The following ZDHHC14 variants were observed in gnomAD, a reference collection of about 807,000 sequenced individuals.
ZDHHC14 encodes palmitoyltransferase ZDHHC14.
Under a neutral mutation model 47.7 loss-of-function variants are expected in ZDHHC14, and 16 were observed. The ratio of observed to expected loss-of-function variants is 0.34; its 90% CI spans 0.23 to 0.51. The LOEUF is 0.51. Ranked by LOEUF, ZDHHC14 falls within the 20% of genes least tolerant of loss-of-function variation. ZDHHC14 has a pLI of 0.97. For synonymous variants in ZDHHC14, 293 were observed against 278.9 expected, an observed-to-expected ratio of 1.05 and a Z score of -0.50; for missense variants, 515 against 662.5, an observed-to-expected ratio of 0.78 and a Z score of 2.44.
intron 3 of ZDHHC14, among the ~76,000 whole-genome samples, chr6:157,612,676 G>A (rs888700620): frequency 6.6e-6 from 1 of 152,172 alleles, no homozygotes; most frequent in African/African-American, 2.4e-5. Flanking sequence ...GGCCAGGCCT[G>A]TGTCAGTTTC....
At chr6:157,399,422 T>C (rs1777586209) in intron 1 of ZDHHC14, among the ~76,000 whole-genome samples, 1 of 152,208 alleles carries the variant, frequency 6.6e-6, no homozygotes, top group Non-Finnish European at 1.5e-5. Flanking sequence ...GTGTGCCTCA[T>C]CTGTCATCTG....
At chr6:157,504,783 G>GTGTTGTGTTT (rs1554261981) in intron 1 of ZDHHC14, among the ~76,000 whole-genome samples, 1 of 149,198 alleles carries the variant, frequency 6.7e-6, no homozygotes, top group African/African-American at 2.5e-5. Flanking sequence ...AAAATACCAT[G>GTGTTGTGTTT]TGTTTTGTTT....
intron 1 of ZDHHC14, among the ~76,000 whole-genome samples, chr6:157,458,368 G>C (rs898844900): frequency 1.3e-5 from 2 of 152,208 alleles, no homozygotes; most frequent in East Asian, 3.9e-4. Context: ...TTGTGGATGG[G>C]CGGACAACAT....
At chr6:157,657,962 C>T (rs1208122141) in intron 8 of ZDHHC14, among the ~76,000 whole-genome samples, 1 of 152,190 alleles carries the variant, frequency 6.6e-6, no homozygotes, top group African/African-American at 2.4e-5. Flanking sequence ...GTGTTTTCAT[C>T]TATAAAATGG....
rs144479172 is a variant in ZDHHC14 at position 157,426,434 on chromosome 6, G to A, written c.245+44168G>A. 4.3e-3 allele frequency among the ~76,000 whole-genome samples: 656 copies of A among 152,290 alleles called. 7 individuals carry two copies. The highest frequency in any genetic ancestry group is 0.015 in the African/African-American group (613 of 41,544). ...GAATGCCAATGGCATGCCACATGCC[G>A]CATTAGGGTCTTAGGATCGAGGGTG... is the stretch of plus-strand genomic sequence containing the variant. On this transcript the variant is annotated intron_variant, in intron 1 of 8. Transcript: ENST00000359775.
At chr6:157,553,596 C>A (rs1252256162) in intron 2 of ZDHHC14, among the ~76,000 whole-genome samples, 3 of 151,706 alleles carry the variant, frequency 2.0e-5, no homozygotes, top group African/African-American at 7.3e-5. Flanking sequence ...TTCCCGGTGA[C>A]CTTTCTCACT....
intron 1 of ZDHHC14, among the ~76,000 whole-genome samples, chr6:157,519,341 T>C (rs1427082638): frequency 1.3e-5 from 2 of 151,378 alleles, no homozygotes; most frequent in East Asian, 3.9e-4. Flanking sequence ...GAATAATGTC[T>C]GTTTTTAACA....
intron 1 of ZDHHC14, among the ~76,000 whole-genome samples, chr6:157,533,860 G>A (rs1301063299): frequency 1.3e-5 from 2 of 152,196 alleles, no homozygotes; most frequent in South Asian, 2.1e-4. Context: ...TAGTTCACTT[G>A]CATTTTTTAA....
chr6:157,553,232 G>A (rs1582929384), intron 2 of ZDHHC14, among the ~76,000 whole-genome samples: 1 of 152,164 alleles, frequency 6.6e-6, no homozygotes, highest in Non-Finnish European at 1.5e-5. Context: ...GGGGGATGAG[G>A]AGCCCCATTG....
At chr6:157,512,364 T>A (rs1780524483) in intron 1 of ZDHHC14, among the ~76,000 whole-genome samples, 1 of 152,214 alleles carries the variant, frequency 6.6e-6, no homozygotes, top group Non-Finnish European at 1.5e-5. Context: ...CCTCTGGTAG[T>A]CCTCATCACC....
At chr6:157,559,287 C>G (rs992098442) in intron 2 of ZDHHC14, among the ~76,000 whole-genome samples, 2 of 152,228 alleles carry the variant, frequency 1.3e-5, no homozygotes, top group Admixed American at 1.3e-4. Context: ...GCTTCTGAAG[C>G]AGGTGTACTG....
chr6:157,489,543 G>A (rs186360229), intron 1 of ZDHHC14, among the ~76,000 whole-genome samples: 108 of 150,884 alleles, frequency 7.2e-4, no homozygotes, highest in African/African-American at 2.6e-3. Context: ...TGAGGCACTG[G>A]GTGTAGGTGC....
chr6:157,663,263 C>A (rs540758949), intron 8 of ZDHHC14, among the ~76,000 whole-genome samples: 1 of 152,284 alleles, frequency 6.6e-6, no homozygotes, highest in Non-Finnish European at 1.5e-5. Flanking sequence ...TCTGTGTGGC[C>A]CCACAGGTCA....
intron 1 of ZDHHC14, among the ~76,000 whole-genome samples, chr6:157,422,442 A>T (rs1245470735): frequency 6.6e-6 from 1 of 152,194 alleles, no homozygotes. Flanking sequence ...TTAAAGGAAT[A>T]GAAGGGACCC....
chr6:157,421,312 C>G (rs1778096720), intron 1 of ZDHHC14, among the ~76,000 whole-genome samples: 1 of 151,282 alleles, frequency 6.6e-6, no homozygotes, highest in South Asian at 2.1e-4. Context: ...ACGGTGAAAC[C>G]ACGTCTCTAC....
chr6:157,593,202 C>T (rs1171240644), intron 3 of ZDHHC14, 56 bp downstream of exon 3: 6 of 1,559,350 alleles, frequency 3.8e-6, no homozygotes, highest in Middle Eastern at 3.6e-4. Flanking sequence ...GGTGGGTTTG[C>T]GCCTCTCCAA....
At chr6:157,590,860 C>A (rs1487893624) in intron 2 of ZDHHC14, among the ~76,000 whole-genome samples, 2 of 152,202 alleles carry the variant, frequency 1.3e-5, no homozygotes, top group Non-Finnish European at 2.9e-5. Flanking sequence ...GGGGTTGTAC[C>A]CTGCAAAGTC....
intron 5 of ZDHHC14, among the ~76,000 whole-genome samples, chr6:157,638,514 T>G (rs1474501510): frequency 6.7e-6 from 1 of 149,178 alleles, no homozygotes; most frequent in African/African-American, 2.5e-5. Flanking sequence ...AAAAAGGGAC[T>G]GGGCCCTCTG....
At chr6:157,398,304 G>T (rs1395213754) in intron 1 of ZDHHC14, among the ~76,000 whole-genome samples, 1 of 152,142 alleles carries the variant, frequency 6.6e-6, no homozygotes, top group Non-Finnish European at 1.5e-5. Context: ...AGGGAACCTG[G>T]CAGGGTCAGG....
Sources: allele counts gnomAD v4.1 joint callset (sites outside exome capture counted in the v4.1 genomes callset), GRCh38; gene constraint gnomAD v4.1.1; transcripts MANE v1.5; gene names NCBI Gene and HGNC (gene_info 2026-07-23, HGNC 2026-07-21).